The following ARHGEF12 variants were observed in gnomAD, a reference collection of about 807,000 sequenced individuals.
ARHGEF12 encodes KMT2A/ARHGEF12 fusion protein.
Under a neutral mutation model 211.2 loss-of-function variants are expected in ARHGEF12, and 66 were observed. That is an observed-to-expected ratio of 0.31 (90% CI 0.26 to 0.38). The LOEUF (loss-of-function observed/expected upper bound fraction) is 0.38. Ranked by LOEUF, ARHGEF12 falls within the 10% of genes least tolerant of loss-of-function variation. The pLI is 1.00. For synonymous variants in ARHGEF12, 592 were observed against 638.4 expected (o/e 0.93, Z 1.09); for missense variants, 1,429 against 1,869.5 (o/e 0.76, Z 4.34).
intron 7 of ARHGEF12, 56 bp from the exon 8 acceptor site, chr11:120,428,013 T>C (rs1945401250): frequency 7.0e-7 from 1 of 1,430,266 alleles, no homozygotes; most frequent in South Asian, 1.6e-5. Flanking sequence ...GTATAAAAAG[T>C]TTCTTGACAA....
chr11:120,446,383 A>G lies in ARHGEF12; in HGVS notation c.1346-20A>G, dbSNP rs891025821. The G allele has an allele frequency of 2.5e-6, 4 of 1,586,368 alleles. No individual in the cohort carries two copies. The highest frequency in any genetic ancestry group is 3.4e-6 in the Non-Finnish European group (4 of 1,160,290). ...CCCAGAACATACCTTTAGATAACAT[A>G]ATTCCTTTCATTTATGAAGAAAAGA... is the stretch of plus-strand genomic sequence containing the variant. On this transcript the variant is annotated intron_variant, in intron 16 of 40. Coordinates refer to ENST00000397843, the MANE Select transcript of ARHGEF12 (RefSeq NM_015313.3).
intron 4 of ARHGEF12, among the ~76,000 whole-genome samples, chr11:120,418,610 CCAAA>C (rs762047559): frequency 5.9e-5 from 9 of 152,142 alleles, no homozygotes; most frequent in Non-Finnish European, 8.8e-5. Flanking sequence ...TAAGAAATTT[CCAAA>C]CAGTTTTCCA....
intron 34 of ARHGEF12, 25 bp downstream of exon 34, chr11:120,476,773 G>A: frequency 6.6e-7 from 1 of 1,524,334 alleles, no homozygotes; most frequent in Non-Finnish European, 9.0e-7. Flanking sequence ...TGGCTACCTT[G>A]CTATAGCTAA....
chr11:120,407,417 G>GT (rs974397609), intron 2 of ARHGEF12, among the ~76,000 whole-genome samples: 4 of 151,766 alleles, frequency 2.6e-5, no homozygotes, highest in African/African-American at 4.8e-5. Flanking sequence ...TAGGCACTGT[G>GT]TTTTTTTTGT....
chr11:120,379,516 C>T lies in ARHGEF12; in HGVS notation c.33-26602C>T, dbSNP rs569611831. The stretch of plus-strand genomic sequence containing the variant: ...GCATTCAGTATTTTACCATTAAGTA[C>T]GATTTTTTTTTTTTCCATACTCTAT... On this transcript the variant is annotated intron_variant, in intron 1 of 40. Coordinates refer to ENST00000397843, the MANE Select transcript of ARHGEF12 (RefSeq NM_015313.3). Among the ~76,000 whole-genome samples the T allele has an allele frequency of 1.3e-4, 19 of 150,560 alleles. No homozygotes were observed. In the South Asian group the frequency reaches 2.9e-3, roughly 23 times the overall value.
intron 1 of ARHGEF12, among the ~76,000 whole-genome samples, chr11:120,352,509 GTTATCT>G (rs751194151): frequency 4.4e-4 from 67 of 152,202 alleles, no homozygotes; most frequent in Non-Finnish European, 7.1e-4. Context: ...TTGTTATAGT[GTTATCT>G]TTATCATTTA....
chr11:120,457,960 A>AT, intron 24 of ARHGEF12, 120 bp from the exon 25 acceptor site: 1 of 1,289,260 alleles, frequency 7.8e-7, no homozygotes, highest in Non-Finnish European at 1.1e-6. Context: ...AGAGGATGAA[A>AT]TTTCAGTGCT....
At chr11:120,370,361 C>T (rs906595397) in intron 1 of ARHGEF12, among the ~76,000 whole-genome samples, 6 of 152,046 alleles carry the variant, frequency 3.9e-5, no homozygotes, top group Non-Finnish European at 7.4e-5. Flanking sequence ...ATTTCTGTAC[C>T]GACACCAAAC....
At chr11:120,458,303 A>G in intron 25 of ARHGEF12, 69 bp downstream of exon 25, 1 of 1,571,232 alleles carries the variant, frequency 6.4e-7, no homozygotes, top group Non-Finnish European at 8.6e-7. Flanking sequence ...TAAGTCTCTC[A>G]GCCTTGGAGT....
chr11:120,390,790 C>T (rs1450909821), intron 1 of ARHGEF12, among the ~76,000 whole-genome samples: 1 of 152,142 alleles, frequency 6.6e-6, no homozygotes, highest in Admixed American at 6.6e-5. Context: ...TCTAGTTAGA[C>T]TGTGAGGTTT....
At chr11:120,342,143 A>C (rs770461607) in intron 1 of ARHGEF12, among the ~76,000 whole-genome samples, 8 of 151,838 alleles carry the variant, frequency 5.3e-5, no homozygotes, top group Non-Finnish European at 8.8e-5. Flanking sequence ...ATTTTAAATT[A>C]TTGTCTTTCT....
intron 1 of ARHGEF12, among the ~76,000 whole-genome samples, chr11:120,364,941 C>T (rs1943383040): frequency 6.6e-6 from 1 of 151,802 alleles, no homozygotes; most frequent in African/African-American, 2.4e-5. Flanking sequence ...CACACACCAC[C>T]ATGCTCAGCT....
At chr11:120,484,387 T>G in intron 39 of ARHGEF12, 51 bp from the exon 40 acceptor site, 1 of 1,541,730 alleles carries the variant, frequency 6.5e-7, no homozygotes, top group Non-Finnish European at 8.9e-7. Flanking sequence ...GTTTTTGTTT[T>G]GTTTTGTTTC....
At chr11:120,361,692 A>G (rs1943280404) in intron 1 of ARHGEF12, among the ~76,000 whole-genome samples, 1 of 152,210 alleles carries the variant, frequency 6.6e-6, no homozygotes, top group Admixed American at 6.5e-5. Context: ...AGAGAGGAAA[A>G]AAGTATCCAG....
chr11:120,363,704 A>G (rs1439529139), intron 1 of ARHGEF12, among the ~76,000 whole-genome samples: 5 of 152,128 alleles, frequency 3.3e-5, no homozygotes, highest in African/African-American at 9.7e-5. Context: ...GCCTTTGTCT[A>G]CCTTCTCCAG....
chr11:120,402,490 A>T (rs1944571693), intron 1 of ARHGEF12, among the ~76,000 whole-genome samples: 1 of 152,210 alleles, frequency 6.6e-6, no homozygotes, highest in Non-Finnish European at 1.5e-5. Flanking sequence ...AATTCTTGAT[A>T]ATTCTAAATT....
At chr11:120,402,359 G>A (rs957977011) in intron 1 of ARHGEF12, among the ~76,000 whole-genome samples, 1 of 152,134 alleles carries the variant, frequency 6.6e-6, no homozygotes, top group Non-Finnish European at 1.5e-5. Context: ...TCTTTGTCTA[G>A]TAACTCTTCT....
chr11:120,438,078 T>G (rs958467288), intron 12 of ARHGEF12, among the ~76,000 whole-genome samples: 1 of 152,226 alleles, frequency 6.6e-6, no homozygotes, highest in Non-Finnish European at 1.5e-5. Context: ...TTGTTTGATC[T>G]TACGTATTCT....
intron 1 of ARHGEF12, among the ~76,000 whole-genome samples, chr11:120,344,447 T>C (rs910895911): frequency 4.6e-5 from 7 of 151,978 alleles, no homozygotes; most frequent in Admixed American, 2.0e-4. Flanking sequence ...TACCCTTCCA[T>C]AGATTTTAGA....
Sources: allele counts gnomAD v4.1 joint callset (sites outside exome capture counted in the v4.1 genomes callset), GRCh38; gene constraint gnomAD v4.1.1; transcripts MANE v1.5; gene names NCBI Gene and HGNC (gene_info 2026-07-23, HGNC 2026-07-21).